CELF2: variants seen among roughly 807,000 people sequenced by gnomAD.
The protein encoded by CELF2 is CUGBP Elav-like family member 2.
A neutral mutation model predicts 62.6 loss-of-function variants in CELF2; 8 were observed. The ratio of observed to expected loss-of-function variants is 0.13; its 90% confidence interval spans 0.07 to 0.23. The LOEUF (loss-of-function observed/expected upper bound fraction) is 0.23. Among genes scored for constraint, CELF2 ranks in the 10% least tolerant of loss-of-function variants. CELF2 has a pLI of 1.00. For missense variants in CELF2, 333 were observed against 671.0 expected (o/e 0.50, Z 5.56); for synonymous variants, 258 against 250.0 (o/e 1.03, Z -0.30).
Position 11,012,565 on chromosome 10 carries a change from G to GACCTCCATTTGTTCT in CELF2, c.53+7128_53+7129insTCCATTTGTTCTACC. ...CCCCACCTGTTGCTGCCTTCTCCGG[G>GACCTCCATTTGTTCT]ACCGAATGTTACGCCTGCAACTGTG... On this transcript the variant is annotated intron_variant, in intron 1 of 12. Coordinates refer to the CELF2 transcript ENST00000416382. The surrounding 1 kb of genome is among the most constrained non-coding windows in gnomAD (Gnocchi z 5.5). Among the ~76,000 whole-genome samples the GACCTCCATTTGTTCT allele has an allele frequency of 6.6e-6, 1 of 152,256 alleles. No individual in the cohort carries two copies. Among genetic ancestry groups the GACCTCCATTTGTTCT allele is most frequent in the South Asian group, 2.1e-4 (1 of 4,826 alleles).
intron 1 of CELF2, among the ~76,000 whole-genome samples, chr10:11,128,590 CACA>C (rs1357623967): frequency 6.6e-6 from 1 of 152,132 alleles, no homozygotes; most frequent in Non-Finnish European, 1.5e-5. Context: ...AGAGGTCCTT[CACA>C]TCCCTTGTAA....
At chr10:10,864,289 A>G (rs961111542) in intron 1 of CELF2, among the ~76,000 whole-genome samples, 4 of 151,986 alleles carry the variant, frequency 2.6e-5, no homozygotes, top group African/African-American at 7.3e-5. Flanking sequence ...AGAAAACTAC[A>G]TCATTTCTCC....
chr10:10,585,328 G>A, the CELF2 span, among the ~76,000 whole-genome samples: 3 of 152,114 alleles, frequency 2.0e-5, no homozygotes, highest in Non-Finnish European at 2.9e-5. Context: ...TCCAGGACTG[G>A]CCCACAGCCA....
At chr10:10,828,000 T>TAAAAAAAA (rs66721705) in intron 1 of CELF2, among the ~76,000 whole-genome samples, 5 of 60,712 alleles carry the variant, frequency 8.2e-5, no homozygotes, top group Admixed American at 2.3e-4. Context: ...AGGCTAGTCT[T>TAAAAAAAA]AAAAAAAAAA....
chr10:10,857,902 G>T (rs1207287730), intron 1 of CELF2, among the ~76,000 whole-genome samples: 1 of 151,468 alleles, frequency 6.6e-6, no homozygotes, highest in Non-Finnish European at 1.5e-5. Context: ...CAACCATAGG[G>T]AATTTGTAAA....
At chr10:10,516,150 C>A in the CELF2 span, among the ~76,000 whole-genome samples, 1 of 152,056 alleles carries the variant, frequency 6.6e-6, no homozygotes, top group Non-Finnish European at 1.5e-5. Context: ...AAAGAAAAAA[C>A]CCTAGTCCTA....
rs2050907625 is a variant in CELF2 at position 10,972,926 on chromosome 10, T to C, written c.89+52927T>C. 6.6e-6 allele frequency among the ~76,000 whole-genome samples: 1 copy of C among 151,962 alleles called. No homozygotes were observed. The highest frequency in any genetic ancestry group is 2.1e-4 in the South Asian group (1 of 4,820). On this transcript the variant is annotated intron_variant, in intron 2 of 13. Coordinates refer to the CELF2 transcript ENST00000636488. This position sits in a 1 kb window ranked among gnomAD's most constrained non-coding sequence, Gnocchi z 4.4. ...CACAACAGGATGATCACATGATAGA[T>C]GGAAAGATGTGAAGGGAGGGTCGAG...
rs1039624550 is a variant in CELF2, at chr10:11,010,593, A to C, written c.53+5153A>C. ...GTTATTCCCATTTTAAAGATGAAAA[A>C]CTGAGCCCGAGAGAGGTAAAGTCAC... On this transcript the variant is annotated intron_variant, in intron 1 of 12. Transcript: ENST00000416382. This position sits in a 1 kb window ranked among gnomAD's most constrained non-coding sequence, Gnocchi z 4.1. 3.9e-5 allele frequency among the ~76,000 whole-genome samples: 6 copies of C among 152,158 alleles called. No individual in the cohort carries two copies. Among genetic ancestry groups the C allele is most frequent in the Admixed American group, 1.3e-4 (2 of 15,278 alleles).
At chr10:10,696,968 A>G in the CELF2 span, among the ~76,000 whole-genome samples, 1 of 152,208 alleles carries the variant, frequency 6.6e-6, no homozygotes, top group Non-Finnish European at 1.5e-5. Flanking sequence ...TGGGAGCTGT[A>G]GAGGGGAGCT....
At position 11,178,843 on chromosome 10, in the gene CELF2, G is replaced by T. The variant is rs1368487099; in HGVS notation, c.271+13161G>T. Among the ~76,000 whole-genome samples, 1 of 152,180 alleles carries T rather than the reference G, an allele frequency of 6.6e-6. No individual in the cohort carries two copies. The highest frequency in any genetic ancestry group is 2.4e-5 in the African/African-American group (1 of 41,428). On this transcript the variant is annotated intron_variant, in intron 2 of 12. Transcript: ENST00000633077. This position sits in a 1 kb window ranked among gnomAD's most constrained non-coding sequence, Gnocchi z 4.3. Reference sequence around the variant, plus strand: ...GAGTCTATGAAAACCCATTGGTCGGGCTGCCCTAGCAACACAGAATGCTGT... The same window carrying T: ...GAGTCTATGAAAACCCATTGGTCGGTCTGCCCTAGCAACACAGAATGCTGT...
the CELF2 span, among the ~76,000 whole-genome samples, chr10:10,466,504 T>C: frequency 2.6e-5 from 4 of 152,114 alleles, no homozygotes; most frequent in African/African-American, 4.8e-5. Flanking sequence ...TAAGTAAAGC[T>C]GTATGAATAT....
chr10:11,175,212 AG>A (rs1263176108), intron 2 of CELF2, among the ~76,000 whole-genome samples: 1 of 152,134 alleles, frequency 6.6e-6, no homozygotes, highest in Non-Finnish European at 1.5e-5. Context: ...AAGGATATCA[AG>A]GAGATGGAGG....
At chr10:10,515,275 T>G in the CELF2 span, among the ~76,000 whole-genome samples, 1 of 152,170 alleles carries the variant, frequency 6.6e-6, no homozygotes, top group African/African-American at 2.4e-5. Flanking sequence ...AGACACTAGC[T>G]GTGTAAACTC....
In CELF2 at chr10:11,079,034, G is replaced by C. The variant is rs562082395; in HGVS notation, c.74+60871G>C. Among the ~76,000 whole-genome samples, 6 of 152,030 alleles carry C rather than the reference G, an allele frequency of 3.9e-5. No individual in the cohort carries two copies. The South Asian group carries it at 1.0e-3, about 26-fold the overall frequency. On this transcript the variant is annotated intron_variant, in intron 1 of 12. Coordinates refer to ENST00000633077, the MANE Select transcript of CELF2 (RefSeq NM_001326342.2). ...TGTGTGTACAGTTGGGGTGTGACGG[G>C]GTGCATCTCCTTCATGTACTCAAAG...
At chr10:11,080,998 A>T (rs2073874087) in intron 1 of CELF2, among the ~76,000 whole-genome samples, 1 of 152,222 alleles carries the variant, frequency 6.6e-6, no homozygotes, top group African/African-American at 2.4e-5. Context: ...TTTGAAAAAC[A>T]GGTGCTGGTT....
the CELF2 span, among the ~76,000 whole-genome samples, chr10:10,629,393 C>A: frequency 6.6e-6 from 1 of 152,166 alleles, no homozygotes; most frequent in Non-Finnish European, 1.5e-5. Context: ...ACAAAATGCA[C>A]CCCTATTCTT....
In CELF2 at chr10:11,165,269, G is replaced by T. The variant is rs776999062; in HGVS notation, c.75-217G>T. On this transcript the variant is annotated intron_variant, in intron 1 of 12. Transcript: ENST00000633077. This position sits in a 1 kb window ranked among gnomAD's most constrained non-coding sequence, Gnocchi z 7.4. Reference sequence around the variant, plus strand: ...GCCCCGTGCTCCCCCGGCTCTGCTCGACAGCAGCACGCAGTGAGAGCCTCG... The same window carrying T: ...GCCCCGTGCTCCCCCGGCTCTGCTCTACAGCAGCACGCAGTGAGAGCCTCG... 30 of 1,381,848 alleles carry T rather than the reference G, an allele frequency of 2.2e-5. No homozygotes were observed. In the Middle Eastern group the frequency reaches 3.3e-3, roughly 153 times the overall value. The allele number at this position is 1,381,848 out of a possible 1,614,324, so 85.6% of individuals were successfully genotyped here.
rs1219672192 is a variant in CELF2, at chr10:11,269,782, T to C, written c.619-884T>C. 6.6e-6 allele frequency among the ~76,000 whole-genome samples: 1 copy of C among 152,162 alleles called. No homozygotes were observed. The highest frequency in any genetic ancestry group is 1.5e-5 in the Non-Finnish European group (1 of 68,042). On this transcript the variant is annotated intron_variant, in intron 6 of 12. Transcript: ENST00000633077. This position sits in a 1 kb window ranked among gnomAD's most constrained non-coding sequence, Gnocchi z 4.4. ...TTAGGCCCTTATTATCCCTGATGAT[T>C]TTATCTAGCTCAGTAGTGAATTCTG...
chr10:11,154,379 A>G (rs978339263), intron 1 of CELF2, among the ~76,000 whole-genome samples: 3 of 152,236 alleles, frequency 2.0e-5, no homozygotes, highest in South Asian at 2.1e-4. Context: ...CTTAAGATAC[A>G]ATTTAGGGAT....
Sources: allele counts gnomAD v4.1 joint callset (sites outside exome capture counted in the v4.1 genomes callset), GRCh38; gene constraint gnomAD v4.1.1; non-coding constraint Gnocchi (gnomAD v3.1); transcripts MANE v1.5; gene names NCBI Gene and HGNC (gene_info 2026-07-23, HGNC 2026-07-21).